The following FAT2 variants were observed in gnomAD, a reference collection of about 807,000 sequenced individuals.
The protein encoded by FAT2 is protocadherin Fat 2.
A neutral mutation model predicts 295.3 loss-of-function variants in FAT2; 150 were observed. That is an observed-to-expected ratio of 0.51 (90% CI 0.44 to 0.58). The LOEUF (loss-of-function observed/expected upper bound fraction) is 0.58. FAT2 is among the 20% of genes least tolerant of loss of function. FAT2 has a pLI of 0.00. For missense variants in FAT2, 4,868 were observed against 5,442.7 expected, an observed-to-expected ratio of 0.89 and a Z score of 3.32; for synonymous variants, 2,026 against 2,150.3, an observed-to-expected ratio of 0.94 and a Z score of 1.60.
At chr5:151,549,994 G>A (rs571030005) in intron 8 of FAT2, among the ~76,000 whole-genome samples, 7 of 152,240 alleles carry the variant, frequency 4.6e-5, no homozygotes, top group South Asian at 2.1e-4. Context: ...GCCAGGCTCC[G>A]ATTCTGGTTC....
intron 9 of FAT2, 39 bp downstream of exon 9, chr5:151,549,256 T>C (rs1212223135): frequency 6.3e-7 from 1 of 1,591,510 alleles, no homozygotes; most frequent in Non-Finnish European, 8.6e-7. Flanking sequence ...TTCTAAAGCA[T>C]CTTGACCCAT....
Position 151,567,599 on chromosome 5 carries a change from C to G in FAT2, c.1333G>C (p.Val445Leu), listed in dbSNP as rs1208899033. 1.2e-6 allele frequency: 2 copies of G among 1,614,150 alleles called. No homozygotes were observed. Among genetic ancestry groups the G allele is most frequent in the Non-Finnish European group, 1.7e-6 (2 of 1,180,030 alleles). The part of the protein sequence containing the change: ...TSPGQASTVV[V>L]IDIVDCNNHA... ...TTGTTGCAGTCCACAATGTCAATGACCACCACGGTGGAGGCCTGGCCCGGT... is the reference window on the plus strand; with the variant it reads ...TTGTTGCAGTCCACAATGTCAATGAGCACCACGGTGGAGGCCTGGCCCGGT... The change falls in exon 2 of 24, where the codon GTC becomes CTC. Residue 445 changes from valine (V) to leucine (L), a missense_variant. Val to Leu is a conservative substitution (Grantham distance 32, BLOSUM62 1). Coordinates refer to ENST00000261800, the MANE Select transcript of FAT2 (RefSeq NM_001447.3).
At chr5:151,506,161 T>C (rs1760856614) in intron 23 of FAT2, 64 bp from the exon 24 acceptor site, 2 of 1,477,020 alleles carry the variant, frequency 1.4e-6, no homozygotes, top group Admixed American at 4.8e-5. Flanking sequence ...GCTGGCTCTA[T>C]AGCAACTATA....
chr5:151,522,097 A>T lies in FAT2; in HGVS notation c.10507-11T>A, dbSNP rs957576601. 1 of 1,563,038 alleles carries T rather than the reference A, an allele frequency of 6.4e-7. No homozygotes were observed. Among genetic ancestry groups the T allele is most frequent in the East Asian group, 2.3e-5 (1 of 43,800 alleles). ...GCCACTGTCTGACGCCTGTGGGCAA[A>T]ACAAACACTGCTGTCACCCAACAGA... is the stretch of plus-strand genomic sequence containing the variant. On this transcript the variant is annotated splice_polypyrimidine_tract_variant and intron_variant, in intron 18 of 23. Coordinates refer to ENST00000261800, the MANE Select transcript of FAT2 (RefSeq NM_001447.3).
intron 12 of FAT2, among the ~76,000 whole-genome samples, chr5:151,536,857 G>GC (rs1375617784): frequency 6.6e-6 from 1 of 152,214 alleles, no homozygotes; most frequent in Non-Finnish European, 1.5e-5. Flanking sequence ...ATTTGGCTCT[G>GC]CCCACCCTGG....
intron 1 of FAT2, among the ~76,000 whole-genome samples, chr5:151,570,294 T>A (rs1054742588): frequency 5.3e-5 from 8 of 152,136 alleles, no homozygotes; most frequent in African/African-American, 1.9e-4. Context: ...ACATGAAAAC[T>A]CCCAGGCTCC....
At position 151,531,069 on chromosome 5, in the gene FAT2, C is replaced by G. The variant is rs539337344; in HGVS notation, c.9811+518G>C. On this transcript the variant is annotated intron_variant, in intron 14 of 23. Transcript: ENST00000261800. This position sits in a 1 kb window ranked among gnomAD's most constrained non-coding sequence, Gnocchi z 5.7. ...AGTTTCTGTGAACCTGACTTTGAGTCTTCTGTGGCTAGTAGGAAAGAAGTG... is the reference window on the plus strand; with the variant it reads ...AGTTTCTGTGAACCTGACTTTGAGTGTTCTGTGGCTAGTAGGAAAGAAGTG... Among the ~76,000 whole-genome samples, 1 of 152,248 alleles carries G rather than the reference C, an allele frequency of 6.6e-6. No individual in the cohort carries two copies. Among genetic ancestry groups the G allele is most frequent in the South Asian group, 2.1e-4 (1 of 4,822 alleles).
At position 151,542,851 on chromosome 5, in the gene FAT2, G is replaced by T. The variant is rs1756284740; in HGVS notation, c.8276C>A (p.Ser2759Tyr). Residue 2759 changes from serine (S) to tyrosine (Y), a missense_variant, in exon 10 of 24, where the codon TCC becomes TAC. By Grantham distance (144) the Ser-to-Tyr change is moderately radical (BLOSUM62 -2). Transcript: ENST00000261800. ...CACATCAATCTGGTACAATTTGGTG[G>T]ATTCGTGGTCCATGGGCTTCCTCAC... ...IKVRKPMDHE[S>Y]TKLYQIDVMA... is the part of the protein sequence containing the mutation. 2 of 1,614,164 alleles carry T rather than the reference G, an allele frequency of 1.2e-6. No individual in the cohort carries two copies. Among genetic ancestry groups the T allele is most frequent in the Non-Finnish European group, 1.7e-6 (2 of 1,180,024 alleles).
intron 13 of FAT2, among the ~76,000 whole-genome samples, chr5:151,532,669 A>G (rs979591181): frequency 2.6e-5 from 4 of 151,992 alleles, no homozygotes; most frequent in Non-Finnish European, 5.9e-5. Flanking sequence ...TAGTAAATCA[A>G]AACACACAGT....
rs1408738501 is a variant in FAT2, at chr5:151,507,394, C to T, written c.12277G>A (p.Val4093Ile). The change falls in exon 23 of 24, where the codon GTT becomes ATT. Residue 4093 changes from valine (V) to isoleucine (I), a missense_variant. Coordinates refer to ENST00000261800, the MANE Select transcript of FAT2 (RefSeq NM_001447.3). The part of the protein sequence containing the change: ...DPDLLARSVG[V>I]DTQAMPAIEL... The stretch of plus-strand genomic sequence containing the variant: ...ATGGCAGGCATGGCTTGGGTGTCAA[C>T]ACCAACACTCCTGGCCAGGAGGTCT... 2 of 1,614,194 alleles carry T rather than the reference C, an allele frequency of 1.2e-6. No homozygotes were observed. Among genetic ancestry groups the T allele is most frequent in the Non-Finnish European group, 1.7e-6 (2 of 1,180,030 alleles).
intron 3 of FAT2, among the ~76,000 whole-genome samples, chr5:151,558,476 G>A (rs1164513016): frequency 2.3e-4 from 35 of 152,016 alleles, no homozygotes; most frequent in Admixed American, 2.2e-3. Flanking sequence ...AAAATTAGCT[G>A]GATGTTGTGG....
Position 151,567,660 on chromosome 5 carries a change from G to A in FAT2, c.1272C>T (p.His424=), listed in dbSNP as rs140112762. Residue 424 remains histidine (H), a synonymous_variant, in exon 2 of 24, where the codon CAC becomes CAT. Coordinates refer to ENST00000261800, the MANE Select transcript of FAT2 (RefSeq NM_001447.3). ...TGTGTAGCTGATAGTGGGCTCTGTC[G>A]TGGAAGTCCATGAGCTTTGTGGTGG... ...LITTTKLMDF[H]DRAHYQLHIR... 7.9e-5 allele frequency: 128 copies of A among 1,614,140 alleles called. No individual in the cohort carries two copies. Among genetic ancestry groups the A allele is most frequent in the Non-Finnish European group, 1.0e-4 (121 of 1,180,006 alleles).
chr5:151,522,778 A>C (rs1012659436), intron 18 of FAT2, among the ~76,000 whole-genome samples: 2 of 152,136 alleles, frequency 1.3e-5, no homozygotes, highest in Non-Finnish European at 2.9e-5. Context: ...TGGGGTAGGA[A>C]TGAAGGCGGT....
chr5:151,591,775 GTTAC>G (rs1191742415), upstream of FAT2, among the ~76,000 whole-genome samples: 1 of 152,204 alleles, frequency 6.6e-6, no homozygotes, highest in African/African-American at 2.4e-5. Flanking sequence ...GCTTGGGTGA[GTTAC>G]TTAGTCTGAG....
chr5:151,587,124 A>G (rs1759203889), intron 1 of FAT2, among the ~76,000 whole-genome samples: 1 of 152,034 alleles, frequency 6.6e-6, no homozygotes, highest in African/African-American at 2.4e-5. Context: ...CCTGGGCAAC[A>G]GAATGAGGCT....
Position 151,554,462 on chromosome 5 carries a change from C to T in FAT2, c.3845G>A (p.Ser1282Asn). The change falls in exon 5 of 24, where the codon AGT (serine) becomes AAT (asparagine). Residue 1282 changes from serine to asparagine, a missense_variant. Coordinates refer to ENST00000261800, the MANE Select transcript of FAT2 (RefSeq NM_001447.3). ...DEGLNGRVTYSIEDSDEEAFS... is the reference protein window; with the variant it reads ...DEGLNGRVTYNIEDSDEEAFS... ...GGCCTCCTCATCGCTGTCCTCGATA[C>T]TGTAGGTGACTCTGCCATTAAGACC... 1 of 1,614,234 alleles carries T rather than the reference C, an allele frequency of 6.2e-7. No homozygotes were observed.
intron 21 of FAT2, 32 bp from the exon 22 acceptor site, chr5:151,510,206 C>T: frequency 6.2e-7 from 1 of 1,612,122 alleles, no homozygotes; most frequent in African/African-American, 1.3e-5. Flanking sequence ...TGAGAGACCG[C>T]ACTGGCCTAG....
intron 12 of FAT2, among the ~76,000 whole-genome samples, chr5:151,536,628 A>G (rs1755325041): frequency 6.6e-6 from 1 of 152,190 alleles, no homozygotes; most frequent in Non-Finnish European, 1.5e-5. Flanking sequence ...CCCTGCAGGA[A>G]TCTCTGCTTC....
intron 13 of FAT2, among the ~76,000 whole-genome samples, chr5:151,533,526 T>A (rs1449756959): frequency 2.0e-5 from 3 of 151,962 alleles, no homozygotes; most frequent in Non-Finnish European, 4.4e-5. Flanking sequence ...CCTCCTTCAA[T>A]GCCAAGCTAA....
Sources: gnomAD v4.1 joint callset for allele counts (sites outside exome capture counted in the v4.1 genomes callset) on GRCh38, gnomAD v4.1.1 for gene constraint, Gnocchi (gnomAD v3.1) non-coding constraint, MANE v1.5 for transcripts, NCBI Gene and HGNC (gene_info 2026-07-23, HGNC 2026-07-21) for gene names.